Variants in ANKH observed in about 807,000 individuals in gnomAD.
The protein encoded by ANKH is mineralization regulator ANKH.
A neutral mutation model predicts 49.0 loss-of-function variants in ANKH; 15 were observed. That is an observed-to-expected ratio of 0.31 (90% CI 0.20 to 0.47). The LOEUF (loss-of-function observed/expected upper bound fraction) is 0.47. Among genes scored for constraint, ANKH ranks in the 20% least tolerant of loss-of-function variants. The pLI is 1.00. For missense variants in ANKH, 429 were observed against 652.0 expected (o/e 0.66, Z 3.72); for synonymous variants, 273 against 260.0 (o/e 1.05, Z -0.48).
chr5:14,869,433 C>G (rs1735752852), intron 1 of ANKH: 1 of 152,218 alleles, frequency 6.6e-6, no homozygotes, highest in Non-Finnish European at 1.5e-5. Flanking sequence ...CAGCCTATAA[C>G]CTCATACTCT....
intron 8 of ANKH, among the ~76,000 whole-genome samples, chr5:14,721,929 C>A (rs1199100101): frequency 2.2e-3 from 133 of 59,462 alleles, no homozygotes; most frequent in South Asian, 7.0e-3. Flanking sequence ...GACTCCGTCT[C>A]AAAAAAAAAA....
chr5:14,709,683 G>A lies in ANKH; in HGVS notation c.*1514C>T, dbSNP rs979495956. 6.6e-6 allele frequency: 1 copy of A among 152,502 alleles called. No individual in the cohort carries two copies. Among genetic ancestry groups the A allele is most frequent in the African/African-American group, 2.4e-5 (1 of 41,414 alleles). 9.4% of individuals were successfully genotyped at this position (152,502 alleles called of 1,614,324 possible). ...CCCCAGTTACCCATAATGAAAAATA[G>A]TTCTGTCATTTACTGAGCCTTACAT... is the stretch of plus-strand genomic sequence containing the variant. On this transcript the variant is annotated 3_prime_UTR_variant, in exon 12 of 12. Coordinates refer to ENST00000284268, the MANE Select transcript of ANKH (RefSeq NM_054027.6).
chr5:14,732,006 C>A (rs568369634), intron 8 of ANKH, among the ~76,000 whole-genome samples: 3 of 152,176 alleles, frequency 2.0e-5, no homozygotes, highest in African/African-American at 7.2e-5. Flanking sequence ...CCACAGGACC[C>A]AGGTTTCTGT....
chr5:14,792,169 G>A (rs969073250), intron 1 of ANKH, among the ~76,000 whole-genome samples: 6 of 152,152 alleles, frequency 3.9e-5, no homozygotes, highest in Admixed American at 2.6e-4. Flanking sequence ...TCAAGGAAGC[G>A]TGCATGGAGT....
chr5:14,803,900 A>G (rs1170767232), intron 1 of ANKH, among the ~76,000 whole-genome samples: 1 of 151,676 alleles, frequency 6.6e-6, no homozygotes, highest in East Asian at 2.0e-4. Context: ...CTCTACCCCC[A>G]ACTTTGTTTT....
intron 1 of ANKH, among the ~76,000 whole-genome samples, chr5:14,793,077 A>AT (rs201277725): frequency 3.1e-4 from 31 of 100,670 alleles, no homozygotes; most frequent in East Asian, 2.8e-3. Flanking sequence ...ATAAATATAT[A>AT]AAAATATATA....
At chr5:14,743,527 C>G (rs1319976220) in intron 7 of ANKH, among the ~76,000 whole-genome samples, 4 of 152,232 alleles carry the variant, frequency 2.6e-5, no homozygotes, top group Non-Finnish European at 1.5e-5. Context: ...TAGAGAGCAT[C>G]TGCACTAGTG....
intron 2 of ANKH, 51 bp from the exon 3 acceptor site, chr5:14,758,649 T>TAAAG: frequency 5.5e-6 from 7 of 1,261,874 alleles, no homozygotes; most frequent in Non-Finnish European, 7.0e-6. Flanking sequence ...AGGATATCTT[T>TAAAG]ATATTCTTTT....
chr5:14,797,816 A>G (rs1740437067), intron 1 of ANKH: 4 of 1,611,432 alleles, frequency 2.5e-6, no homozygotes, highest in African/African-American at 1.3e-5. Flanking sequence ...CATCTGAAGC[A>G]CTAAGTAAGT....
intron 2 of ANKH, among the ~76,000 whole-genome samples, chr5:14,767,142 G>A (rs1297501107): frequency 1.3e-5 from 2 of 152,180 alleles, no homozygotes. Flanking sequence ...CATGGAGCTT[G>A]TGGCCACGAT....
chr5:14,850,752 T>C (rs1327229224), intron 1 of ANKH, among the ~76,000 whole-genome samples: 3 of 152,214 alleles, frequency 2.0e-5, no homozygotes, highest in African/African-American at 7.2e-5. Flanking sequence ...TAATGAATGC[T>C]TGGAAGCAGG....
intron 1 of ANKH, among the ~76,000 whole-genome samples, chr5:14,854,812 C>T (rs1312675035): frequency 1.3e-5 from 2 of 152,182 alleles, no homozygotes; most frequent in Non-Finnish European, 2.9e-5. Flanking sequence ...GCCTTCCCAC[C>T]CCAACCCTGA....
chr5:14,797,548 T>G, intron 1 of ANKH: 1 of 1,611,038 alleles, frequency 6.2e-7, no homozygotes, highest in Non-Finnish European at 8.5e-7. Context: ...ATGAACTCAC[T>G]ATAAGGACTG....
chr5:14,798,497 T>G, intron 1 of ANKH: 1 of 948,818 alleles, frequency 1.1e-6, no homozygotes. Flanking sequence ...CTCTATTTTT[T>G]TTTTTAATTA....
intron 1 of ANKH, chr5:14,869,076 C>T (rs995259831): frequency 3.3e-5 from 5 of 152,236 alleles, no homozygotes; most frequent in African/African-American, 9.7e-5. Flanking sequence ...CTGTCTAGAA[C>T]TCCATATAAA....
chr5:14,804,838 A>T (rs1021400667), intron 1 of ANKH, among the ~76,000 whole-genome samples: 4 of 152,202 alleles, frequency 2.6e-5, no homozygotes, highest in African/African-American at 9.6e-5. Flanking sequence ...TCTCTGGCAC[A>T]TCTGGCTTTG....
At chr5:14,780,951 T>G (rs561639964) in intron 1 of ANKH, among the ~76,000 whole-genome samples, 21 of 152,266 alleles carry the variant, frequency 1.4e-4, no homozygotes, top group Non-Finnish European at 2.6e-4. Context: ...CGTCAGAAAA[T>G]GTACATGTGT....
At position 14,770,922 on chromosome 5, in the gene ANKH, A is replaced by G. The variant is rs1375744181; in HGVS notation, c.97-1731T>C. On this transcript the variant is annotated intron_variant, in intron 1 of 11. Transcript: ENST00000284268. The surrounding 1 kb of genome is among the most constrained non-coding windows in gnomAD (Gnocchi z 4.1). ...CTGCCATTTGTCACTCATCCAATAG[A>G]GACACAATCACATTCATAGAATTCA... is the stretch of plus-strand genomic sequence containing the variant. 1.3e-5 allele frequency among the ~76,000 whole-genome samples: 2 copies of G among 152,240 alleles called. No homozygotes were observed. The highest frequency in any genetic ancestry group is 1.3e-4 in the Admixed American group (2 of 15,288).
intron 7 of ANKH, among the ~76,000 whole-genome samples, chr5:14,744,513 T>G (rs1448245909): frequency 1.3e-5 from 2 of 152,070 alleles, no homozygotes; most frequent in Non-Finnish European, 2.9e-5. Flanking sequence ...GGGCTGGCAG[T>G]GGAAGAATAC....
Sources: gnomAD v4.1 joint callset for allele counts (sites outside exome capture counted in the v4.1 genomes callset) on GRCh38, gnomAD v4.1.1 for gene constraint, Gnocchi (gnomAD v3.1) non-coding constraint, MANE v1.5 for transcripts, NCBI Gene and HGNC (gene_info 2026-07-23, HGNC 2026-07-21) for gene names.